NPAT: variants seen among roughly 807,000 people sequenced by gnomAD.
The protein encoded by NPAT is nuclear protein, coactivator of histone transcription, also known as protein NPAT.
A neutral mutation model predicts 130.7 loss-of-function variants in NPAT; 52 were observed. That is an observed-to-expected ratio of 0.40 (90% CI 0.32 to 0.50). NPAT has a LOEUF of 0.50. NPAT is among the 20% of genes least tolerant of loss of function. The pLI, the probability that NPAT is intolerant of heterozygous loss-of-function variation, is 0.68. For synonymous variants in NPAT, 580 were observed against 584.8 expected (o/e 0.99, Z 0.12); for missense variants, 1,687 against 1,662.6 (o/e 1.01, Z -0.26).
chr11:108,203,844 T>A (rs1277594298), intron 1 of NPAT, among the ~76,000 whole-genome samples: 2 of 152,256 alleles, frequency 1.3e-5, no homozygotes, highest in Non-Finnish European at 2.9e-5. Flanking sequence ...TGCTCCTTAT[T>A]TCTGTTATCT....
At chr11:108,188,042 C>CT (rs371572857) in intron 7 of NPAT, 56 bp downstream of exon 7, 50,175 of 1,036,546 alleles carry the variant, frequency 0.048, 1 homozygote, top group Non-Finnish European at 0.056. Context: ...TGATGTAATT[C>CT]TTTTTTTTTT....
chr11:108,204,313 G>A (rs950045002), intron 1 of NPAT, among the ~76,000 whole-genome samples: 9 of 151,990 alleles, frequency 5.9e-5, no homozygotes, highest in African/African-American at 1.9e-4. Flanking sequence ...TCCAATGCCC[G>A]CCCACAGACC....
At chr11:108,184,677 T>A (rs569012694) in intron 10 of NPAT, among the ~76,000 whole-genome samples, 5 of 152,184 alleles carry the variant, frequency 3.3e-5, no homozygotes, top group Middle Eastern at 3.4e-3. Flanking sequence ...ATAACAAGCA[T>A]GTGTCATGAT....
At chr11:108,204,123 G>A (rs1045774605) in intron 1 of NPAT, among the ~76,000 whole-genome samples, 1 of 152,152 alleles carries the variant, frequency 6.6e-6, no homozygotes, top group Non-Finnish European at 1.5e-5. Flanking sequence ...ATGGCAGTTA[G>A]ATGTACTTCT....
intron 3 of NPAT, among the ~76,000 whole-genome samples, chr11:108,193,509 T>C (rs934368086): frequency 6.6e-6 from 1 of 152,150 alleles, no homozygotes; most frequent in Non-Finnish European, 1.5e-5. Flanking sequence ...GTGGATCACC[T>C]GAGGTCGGGA....
At chr11:108,187,608 G>C (rs2078120300) in intron 7 of NPAT, among the ~76,000 whole-genome samples, 1 of 151,174 alleles carries the variant, frequency 6.6e-6, no homozygotes, top group Non-Finnish European at 1.5e-5. Context: ...TAAGAAACTA[G>C]AATAAACATT....
At chr11:108,208,013 G>C (rs1054850995) in intron 1 of NPAT, among the ~76,000 whole-genome samples, 2 of 152,214 alleles carry the variant, frequency 1.3e-5, no homozygotes, top group African/African-American at 4.8e-5. Flanking sequence ...AAGTTGTTAT[G>C]TTAATACAGG....
chr11:108,195,686 C>T (rs1475803180), intron 2 of NPAT, among the ~76,000 whole-genome samples: 1 of 152,092 alleles, frequency 6.6e-6, no homozygotes, highest in African/African-American at 2.4e-5. Flanking sequence ...GAAGTGCAGC[C>T]GTGCAGTTGT....
At chr11:108,216,766 TTA>T (rs2078439182) in intron 1 of NPAT, among the ~76,000 whole-genome samples, 1 of 152,198 alleles carries the variant, frequency 6.6e-6, no homozygotes, top group Non-Finnish European at 1.5e-5. Flanking sequence ...AGTGTTTAAG[TTA>T]TAATGTATCT....
In NPAT at chr11:108,222,260, C is replaced by A. The variant is rs1414785001; in HGVS notation, c.37+240G>T. The stretch of plus-strand genomic sequence containing the variant: ...TCCGAATCCGCCCCAGGTGTTCCAC[C>A]CCGAGCTTCCCCTCGGGCTTCCCCT... On this transcript the variant is annotated intron_variant, in intron 1 of 17. Coordinates refer to ENST00000278612, the MANE Select transcript of NPAT (RefSeq NM_002519.3). Among the ~76,000 whole-genome samples the A allele has an allele frequency of 6.6e-6, 1 of 152,098 alleles. No individual in the cohort carries two copies. The highest frequency in any genetic ancestry group is 2.4e-5 in the African/African-American group (1 of 41,392).
rs1204380363 is a variant in NPAT at position 108,190,515 on chromosome 11, A to G, written c.291-15T>C. 2 of 1,612,538 alleles carry G rather than the reference A, an allele frequency of 1.2e-6. No homozygotes were observed. The highest frequency in any genetic ancestry group is 2.2e-5 in the South Asian group (2 of 91,062). ...TTTGCATGCTCCTAACAAAGAAAAC[A>G]AAGTAGTTATCCATCAAAAAATGTT... On this transcript the variant is annotated splice_polypyrimidine_tract_variant and intron_variant, in intron 4 of 17. Coordinates refer to ENST00000278612, the MANE Select transcript of NPAT (RefSeq NM_002519.3).
At position 108,161,154 on chromosome 11, in the gene NPAT, G is replaced by A; in HGVS notation, c.3932C>T (p.Pro1311Leu). 1 of 1,614,132 alleles carries A rather than the reference G, an allele frequency of 6.2e-7. No homozygotes were observed. The highest frequency in any genetic ancestry group is 8.5e-7 in the Non-Finnish European group (1 of 1,180,036). The change falls in exon 17 of 18, where the codon CCA (proline) becomes CTA (leucine). Residue 1311 changes from proline (P) to leucine (L), a missense_variant. Coordinates refer to ENST00000278612, the MANE Select transcript of NPAT (RefSeq NM_002519.3). ...GGCAGGGCTGCAGGCAGGCAAGTCTGGGGTGACAGGAGGGACCATTACTTT... is the reference window on the plus strand; with the variant it reads ...GGCAGGGCTGCAGGCAGGCAAGTCTAGGGTGACAGGAGGGACCATTACTTT... ...TSKVMVPPVT[P>L]DLPACSPASE...
intron 2 of NPAT, among the ~76,000 whole-genome samples, chr11:108,196,089 G>C (rs1258619402): frequency 6.6e-6 from 1 of 152,100 alleles, no homozygotes; most frequent in African/African-American, 2.4e-5. Flanking sequence ...TTTTCATTTA[G>C]AAGTCTTACG....
At chr11:108,186,334 T>A in intron 8 of NPAT, 148 bp downstream of exon 8, 1 of 668,918 alleles carries the variant, frequency 1.5e-6, no homozygotes, top group Non-Finnish European at 2.6e-6. Flanking sequence ...TATTAAATGA[T>A]CCAACAACAA....
At chr11:108,166,043 A>T (rs1591385901) in intron 15 of NPAT, among the ~76,000 whole-genome samples, 1 of 151,398 alleles carries the variant, frequency 6.6e-6, no homozygotes, top group African/African-American at 2.4e-5. Context: ...TTGGCCTCCC[A>T]AAGTGCTGGA....
intron 13 of NPAT, chr11:108,170,248 C>G (rs2077938284): frequency 9.3e-6 from 5 of 539,604 alleles, no homozygotes; most frequent in Admixed American, 3.1e-5. Flanking sequence ...GCAAGGCTAA[C>G]AAATTAAGAA....
chr11:108,187,616 A>T (rs1322383704), intron 7 of NPAT, among the ~76,000 whole-genome samples: 3 of 150,388 alleles, frequency 2.0e-5, no homozygotes, highest in Admixed American at 6.6e-5. Context: ...TAGAATAAAC[A>T]TTTTAAAACT....
At chr11:108,159,336 T>G (rs2077824077) in intron 17 of NPAT, among the ~76,000 whole-genome samples, 1 of 152,218 alleles carries the variant, frequency 6.6e-6, no homozygotes, top group Non-Finnish European at 1.5e-5. Flanking sequence ...TAGAAAGCTT[T>G]ACTAACAGAT....
intron 1 of NPAT, among the ~76,000 whole-genome samples, chr11:108,207,738 C>T (rs935963739): frequency 6.6e-6 from 1 of 152,188 alleles, no homozygotes; most frequent in Non-Finnish European, 1.5e-5. Context: ...CCCTGGCCCC[C>T]GAGAGTGCAG....
Sources: gnomAD v4.1 joint callset for allele counts (sites outside exome capture counted in the v4.1 genomes callset) on GRCh38, gnomAD v4.1.1 for gene constraint, MANE v1.5 for transcripts, NCBI Gene and HGNC (gene_info 2026-07-23, HGNC 2026-07-21) for gene names.